The following BUB1B variants were observed in gnomAD, a reference collection of about 807,000 sequenced individuals.
BUB1B encodes the protein BUB1 mitotic checkpoint serine/threonine kinase B.
A neutral mutation model predicts 137.7 loss-of-function variants in BUB1B; 86 were observed. The ratio of observed to expected loss-of-function variants is 0.62; its 90% CI spans 0.52 to 0.75. The LOEUF is 0.75. Among genes scored for constraint, BUB1B ranks in the 30% least tolerant of loss-of-function variants. BUB1B has a pLI of 0.00. For synonymous variants in BUB1B, 420 were observed against 417.9 expected, an observed-to-expected ratio of 1.00 and a Z score of -0.06; for missense variants, 1,130 against 1,236.9, an observed-to-expected ratio of 0.91 and a Z score of 1.30.
At chr15:40,195,573 G>T (rs149843220) in intron 8 of BUB1B, among the ~76,000 whole-genome samples, 2 of 152,258 alleles carry the variant, frequency 1.3e-5, no homozygotes, top group East Asian at 3.9e-4. Context: ...TTTCCATAGT[G>T]GTTGTACGAG....
At chr15:40,177,371 A>G (rs1489784526) in intron 5 of BUB1B, among the ~76,000 whole-genome samples, 1 of 152,110 alleles carries the variant, frequency 6.6e-6, no homozygotes, top group African/African-American at 2.4e-5. Flanking sequence ...CACTTTTTAC[A>G]TTTAGATCCC....
intron 12 of BUB1B, among the ~76,000 whole-genome samples, chr15:40,201,401 A>G (rs2037567284): frequency 6.6e-6 from 1 of 152,216 alleles, no homozygotes; most frequent in East Asian, 1.9e-4. Context: ...AAATAAAAAT[A>G]AAAAACATTA....
chr15:40,168,530 C>T (rs2037127402), intron 2 of BUB1B, among the ~76,000 whole-genome samples: 1 of 152,172 alleles, frequency 6.6e-6, no homozygotes, highest in South Asian at 2.1e-4. Context: ...TTATTTCACA[C>T]TTTAATTGCC....
chr15:40,164,384 C>A (rs1328832636), intron 1 of BUB1B, among the ~76,000 whole-genome samples: 1 of 152,056 alleles, frequency 6.6e-6, no homozygotes, highest in African/African-American at 2.4e-5. Context: ...TGTACCACCA[C>A]GCCTGGCTAA....
At chr15:40,181,185 G>A (rs376977453) in intron 5 of BUB1B, among the ~76,000 whole-genome samples, 2 of 151,600 alleles carry the variant, frequency 1.3e-5, no homozygotes, top group South Asian at 2.1e-4. Flanking sequence ...TCCACCTCCC[G>A]GGTTCAAGTG....
At chr15:40,172,292 A>C (rs1322070193) in intron 4 of BUB1B, among the ~76,000 whole-genome samples, 1 of 152,174 alleles carries the variant, frequency 6.6e-6, no homozygotes, top group Admixed American at 6.5e-5. Flanking sequence ...TTAAACTTCC[A>C]ATACAGTTGA....
chr15:40,182,240 C>T (rs1167689707), intron 5 of BUB1B, among the ~76,000 whole-genome samples: 1 of 152,072 alleles, frequency 6.6e-6, no homozygotes, highest in Non-Finnish European at 1.5e-5. Flanking sequence ...AAAACTATAC[C>T]ATCTGGGTCA....
intron 1 of BUB1B, among the ~76,000 whole-genome samples, chr15:40,164,373 G>A (rs1310147387): frequency 1.3e-5 from 2 of 151,978 alleles, no homozygotes; most frequent in Non-Finnish European, 2.9e-5. Context: ...GACCATGGGC[G>A]TGTACCACCA....
chr15:40,207,346 G>A (rs1020251111), intron 15 of BUB1B, among the ~76,000 whole-genome samples: 2 of 152,134 alleles, frequency 1.3e-5, no homozygotes, highest in Admixed American at 6.5e-5. Flanking sequence ...GCTCACCTCT[G>A]TAATCCTGGC....
chr15:40,209,557 T>C, intron 16 of BUB1B, 78 bp from the exon 17 acceptor site: 1 of 1,556,222 alleles, frequency 6.4e-7, no homozygotes, highest in East Asian at 2.2e-5. Flanking sequence ...TTTTTTTTCT[T>C]CTACTCTGTT....
At chr15:40,165,332 C>A (rs2037083787) in intron 2 of BUB1B, 136 bp downstream of exon 2, 3 of 1,122,926 alleles carry the variant, frequency 2.7e-6, no homozygotes, top group Non-Finnish European at 3.9e-6. Context: ...TCTCTACCTG[C>A]TTTCGTATCA....
intron 14 of BUB1B, among the ~76,000 whole-genome samples, 191 bp downstream of exon 14, chr15:40,202,885 G>T (rs1377320617): frequency 6.6e-6 from 1 of 152,210 alleles, no homozygotes; most frequent in East Asian, 1.9e-4. Context: ...CTCTAGGATA[G>T]CTATAATAAA....
chr15:40,202,505 A>C, intron 13 of BUB1B, 40 bp downstream of exon 13: 1 of 1,598,062 alleles, frequency 6.3e-7, no homozygotes, highest in Non-Finnish European at 8.6e-7. Context: ...TTTTTACTTA[A>C]GAATTTTCTG....
intron 5 of BUB1B, among the ~76,000 whole-genome samples, chr15:40,183,064 T>C (rs1318577120): frequency 6.6e-6 from 1 of 152,030 alleles, no homozygotes; most frequent in Non-Finnish European, 1.5e-5. Flanking sequence ...TTATTCTGGG[T>C]TTTTTGGGGT....
chr15:40,200,090 G>T, intron 10 of BUB1B, 154 bp from the exon 11 acceptor site: 2 of 694,328 alleles, frequency 2.9e-6, no homozygotes, highest in Non-Finnish European at 5.2e-6. Flanking sequence ...TTTAGAGTAG[G>T]AATAAAAATT....
intron 20 of BUB1B, among the ~76,000 whole-genome samples, 197 bp downstream of exon 20, chr15:40,213,671 G>T (rs1182425339): frequency 6.6e-6 from 1 of 151,226 alleles, no homozygotes; most frequent in Non-Finnish European, 1.5e-5. Flanking sequence ...TAGTAGCTGG[G>T]ACCACAGGCG....
At chr15:40,168,409 C>T (rs542035029) in intron 2 of BUB1B, among the ~76,000 whole-genome samples, 50 of 152,062 alleles carry the variant, frequency 3.3e-4, no homozygotes, top group African/African-American at 1.2e-3. Flanking sequence ...AAAGAGCCTA[C>T]TGGGATTTTG....
At chr15:40,216,643 A>G (rs950512169) in intron 20 of BUB1B, among the ~76,000 whole-genome samples, 17 of 148,644 alleles carry the variant, frequency 1.1e-4, no homozygotes, top group Non-Finnish European at 1.9e-4. Context: ...CCAAGGAAAA[A>G]TGAGAGCAAT....
intron 8 of BUB1B, 119 bp from the exon 9 acceptor site, chr15:40,196,426 C>G: frequency 1.1e-6 from 1 of 938,362 alleles, no homozygotes; most frequent in East Asian, 2.5e-5. Context: ...TGTAAGGCCT[C>G]CAGATTTGCA....
Sources: allele counts gnomAD v4.1 joint callset (sites outside exome capture counted in the v4.1 genomes callset), GRCh38; gene constraint gnomAD v4.1.1; transcripts MANE v1.5; gene names NCBI Gene and HGNC (gene_info 2026-07-23, HGNC 2026-07-21).